Variants in KCNQ1OT1 observed in about 807,000 individuals in gnomAD.
KCNQ1OT1 encodes KCNQ1 antisense RNA 2 (non-protein coding).
exon 1 of KCNQ1OT1, chr11:2,697,209 G>A (rs1004143641): frequency 2.5e-6 from 1 of 398,532 alleles, no homozygotes; most frequent in Admixed American, 4.4e-5. Context: ...TTCTAAGATG[G>A]TAACTATCAA....
Position 2,627,581 on chromosome 11 carries a change from T to G in KCNQ1OT1, n.72414A>C. 2.5e-6 allele frequency: 1 copy of G among 398,574 alleles called. No homozygotes were observed. Among genetic ancestry groups the G allele is most frequent in the Non-Finnish European group, 4.4e-6 (1 of 226,058 alleles). The allele number at this position is 398,574 out of a possible 1,614,324, so 24.7% of individuals were successfully genotyped here. ...TCTTTCTGTGTCTGGCTATTTCACTTAGCATAATATCCTCCAGGTTCATCT... is the reference window on the plus strand; with the variant it reads ...TCTTTCTGTGTCTGGCTATTTCACTGAGCATAATATCCTCCAGGTTCATCT... On this transcript the variant is annotated non_coding_transcript_exon_variant, in exon 1 of 1. Coordinates refer to ENST00000597346, the Ensembl canonical transcript of KCNQ1OT1. The surrounding 1 kb of genome is among the most constrained non-coding windows in gnomAD (Gnocchi z 4.9).
chr11:2,631,233 T>C (rs1255115850), exon 1 of KCNQ1OT1: 1 of 398,434 alleles, frequency 2.5e-6, no homozygotes, highest in Non-Finnish European at 4.4e-6. Context: ...TTAACTCTCC[T>C]GATGGTGTCC....
At chr11:2,615,038 G>A (rs1031044434) in exon 1 of KCNQ1OT1, 16 of 398,176 alleles carry the variant, frequency 4.0e-5, no homozygotes, top group Non-Finnish European at 6.2e-5. Flanking sequence ...AGGATGTATA[G>A]TTCTATTTAT....
In KCNQ1OT1 at chr11:2,612,633, C is replaced by G. The variant is rs1848999674; in HGVS notation, n.87362G>C. 2.5e-6 allele frequency: 1 copy of G among 398,344 alleles called. No individual in the cohort carries two copies. Among genetic ancestry groups the G allele is most frequent in the South Asian group, 1.3e-4 (1 of 7,844 alleles). The allele number at this position is 398,344 out of a possible 1,614,324, so 24.7% of individuals were successfully genotyped here. A position where few individuals can be genotyped will look rare whatever the true frequency, so the allele number is the denominator to read the frequency against. On this transcript the variant is annotated non_coding_transcript_exon_variant, in exon 1 of 1. Coordinates refer to ENST00000597346, the Ensembl canonical transcript of KCNQ1OT1. This position sits in a 1 kb window ranked among gnomAD's most constrained non-coding sequence, Gnocchi z 5.5. The stretch of plus-strand genomic sequence containing the variant: ...TATTGATATTATCTATTTGATGAGT[C>G]TTTGTCATCACACTTGCATTCTTTA...
chr11:2,649,675 C>T, exon 1 of KCNQ1OT1: 1 of 398,582 alleles, frequency 2.5e-6, no homozygotes, highest in East Asian at 3.6e-5. Flanking sequence ...ATCTGTTAAT[C>T]TGCTGTTGAT....
rs755308841 is a variant in KCNQ1OT1 at position 2,669,404 on chromosome 11, G to A, written n.30591C>T. The A allele has an allele frequency of 7.5e-6, 3 of 398,652 alleles. No individual in the cohort carries two copies. The highest frequency in any genetic ancestry group is 1.3e-5 in the Non-Finnish European group (3 of 226,078). 24.7% of individuals were successfully genotyped at this position (398,652 alleles called of 1,614,324 possible). On this transcript the variant is annotated non_coding_transcript_exon_variant, in exon 1 of 1. Coordinates refer to ENST00000597346, the Ensembl canonical transcript of KCNQ1OT1. The surrounding 1 kb of genome is among the most constrained non-coding windows in gnomAD (Gnocchi z 5.6). ...TGGGGCTCCTGAAACATGGCATCAT[G>A]TGTCCCTTGTTTATTTAGGTTGACT...
Position 2,699,440 on chromosome 11 carries a change from ACCGCACTGAGGAGCCGCCGGGAGAGTG to A in KCNQ1OT1, n.528_554del, listed in dbSNP as rs1336528175. ...GCCGCGCTGAGGAGAGTCTGGGAGA[ACCGCACTGAGGAGCCGCCGGGAGAGTG>A]CCGCGCTGAGGAGCCCCCGGGGAGA... is the stretch of plus-strand genomic sequence containing the variant. On this transcript the variant is annotated non_coding_transcript_exon_variant, in exon 1 of 1. Coordinates refer to ENST00000597346, the Ensembl canonical transcript of KCNQ1OT1. 27 of 398,790 alleles carry A rather than the reference ACCGCACTGAGGAGCCGCCGGGAGAGTG, an allele frequency of 6.8e-5. No individual in the cohort carries two copies. The Middle Eastern group carries it at 1.9e-3, about 28-fold the overall frequency. 24.7% of individuals were successfully genotyped at this position (398,790 alleles called of 1,614,324 possible). A position where few individuals can be genotyped will look rare whatever the true frequency, so the allele number is the denominator to read the frequency against.
At position 2,668,270 on chromosome 11, in the gene KCNQ1OT1, T is replaced by C; in HGVS notation, n.31725A>G. ...GGTGTAGGTTGCTGTTTAAGAATAT[T>C]CTGTACATGCTTTTGGTGAGCATCA... On this transcript the variant is annotated non_coding_transcript_exon_variant, in exon 1 of 1. Transcript: ENST00000597346. This position sits in a 1 kb window ranked among gnomAD's most constrained non-coding sequence, Gnocchi z 4.3. 2.5e-6 allele frequency: 1 copy of C among 398,664 alleles called. No individual in the cohort carries two copies. The highest frequency in any genetic ancestry group is 3.6e-5 in the East Asian group (1 of 28,080). The allele number at this position is 398,664 out of a possible 1,614,324, so 24.7% of individuals were successfully genotyped here. A position where few individuals can be genotyped will look rare whatever the true frequency, so the allele number is the denominator to read the frequency against.
chr11:2,667,017 C>A (rs771085467), exon 1 of KCNQ1OT1: 5 of 398,592 alleles, frequency 1.3e-5, no homozygotes, highest in African/African-American at 1.0e-4. Context: ...ATAGGATCCC[C>A]GTCAGAGCCC....
At chr11:2,699,080 C>G (rs552964202) in exon 1 of KCNQ1OT1, 3 of 398,636 alleles carry the variant, frequency 7.5e-6, no homozygotes, top group African/African-American at 6.2e-5. Flanking sequence ...AACATGGATT[C>G]CCAACTTCCA....
rs367983973 is a variant in KCNQ1OT1 at position 2,626,494 on chromosome 11, C to T, written n.73501G>A. Reference sequence around the variant, plus strand: ...GGTCTCTACATCTTTATGTCAATACCACATAGTTTTGATTACTGTAGCTTC... The same window carrying T: ...GGTCTCTACATCTTTATGTCAATACTACATAGTTTTGATTACTGTAGCTTC... On this transcript the variant is annotated non_coding_transcript_exon_variant, in exon 1 of 1. Transcript: ENST00000597346. This position sits in a 1 kb window ranked among gnomAD's most constrained non-coding sequence, Gnocchi z 4.0. 31 of 398,468 alleles carry T rather than the reference C, an allele frequency of 7.8e-5. No homozygotes were observed. Among genetic ancestry groups the T allele is most frequent in the South Asian group, 7.6e-4 (6 of 7,848 alleles). 24.7% of individuals were successfully genotyped at this position (398,468 alleles called of 1,614,324 possible). A position where few individuals can be genotyped will look rare whatever the true frequency, so the allele number is the denominator to read the frequency against.
exon 1 of KCNQ1OT1, chr11:2,680,594 G>C (rs546676046): frequency 3.0e-5 from 12 of 398,300 alleles, no homozygotes; most frequent in African/African-American, 2.5e-4. Context: ...AGTCTCCCCC[G>C]ATAGTAACAT....
rs1382413457 is a variant in KCNQ1OT1 at position 2,634,147 on chromosome 11, T to TA, written n.65847_65848insT. 10 of 397,892 alleles carry TA rather than the reference T, an allele frequency of 2.5e-5. No individual in the cohort carries two copies. In the Admixed American group the frequency reaches 3.5e-4, roughly 14 times the overall value. The allele number at this position is 397,892 out of a possible 1,614,324, so 24.6% of individuals were successfully genotyped here. On this transcript the variant is annotated non_coding_transcript_exon_variant, in exon 1 of 1. Coordinates refer to ENST00000597346, the Ensembl canonical transcript of KCNQ1OT1. ...GATTGTCTTTGGTATTTTTTTTTTT[T>TA]TAGATTTCTCTTTTCTCTCTCTCTC... is the stretch of plus-strand genomic sequence containing the variant.
In KCNQ1OT1 at chr11:2,673,254, A is replaced by T. The variant is rs940976036; in HGVS notation, n.26741T>A. 2.6e-4 allele frequency: 103 copies of T among 398,684 alleles called. 1 individual carries two copies. The highest frequency in any genetic ancestry group is 1.3e-3 in the East Asian group (36 of 28,076). The allele number at this position is 398,684 out of a possible 1,614,324, so 24.7% of individuals were successfully genotyped here. A position where few individuals can be genotyped will look rare whatever the true frequency, so the allele number is the denominator to read the frequency against. On this transcript the variant is annotated non_coding_transcript_exon_variant, in exon 1 of 1. Transcript: ENST00000597346. The surrounding 1 kb of genome is among the most constrained non-coding windows in gnomAD (Gnocchi z 4.5). ...AGATTCTGGGGACTGGGTGATGCAG[A>T]CTGCAAAGCCTCAGCCACCTTCTCC...
exon 1 of KCNQ1OT1, chr11:2,638,509 C>A (rs1258664906): frequency 2.6e-5 from 4 of 152,218 alleles, no homozygotes; most frequent in African/African-American, 4.8e-5. Flanking sequence ...GGCCCCCACT[C>A]TCTTCTGGCT....
chr11:2,698,824 C>T lies in KCNQ1OT1; in HGVS notation n.1171G>A, dbSNP rs1431273833. 3.0e-5 allele frequency: 12 copies of T among 398,700 alleles called. No individual in the cohort carries two copies. Among genetic ancestry groups the T allele is most frequent in the African/African-American group, 2.1e-4 (10 of 48,612 alleles). The allele number at this position is 398,700 out of a possible 1,614,324, so 24.7% of individuals were successfully genotyped here. ...TCCCGATCCTCTGTCCCTAATGAGG[C>T]CCTACCTAAAACCACCATGCGGACT... On this transcript the variant is annotated non_coding_transcript_exon_variant, in exon 1 of 1. Coordinates refer to ENST00000597346, the Ensembl canonical transcript of KCNQ1OT1. The surrounding 1 kb of genome is among the most constrained non-coding windows in gnomAD (Gnocchi z 5.1).
chr11:2,610,644 G>A (rs1235744327), exon 1 of KCNQ1OT1: 1 of 304,850 alleles, frequency 3.3e-6, no homozygotes, highest in Non-Finnish European at 5.8e-6. Flanking sequence ...TTCTGTTTTT[G>A]TTTATCTGGG....
chr11:2,662,144 T>C, exon 1 of KCNQ1OT1: 1 of 1,608,682 alleles, frequency 6.2e-7, no homozygotes, highest in East Asian at 2.2e-5. Context: ...GGAGTCAGAC[T>C]TGGTGCTGGG....
At chr11:2,643,127 A>G in exon 1 of KCNQ1OT1, 1 of 398,252 alleles carries the variant, frequency 2.5e-6, no homozygotes, top group Non-Finnish European at 4.4e-6. Context: ...AGAAGAGTGT[A>G]TATTCTGCAG....
Sources: allele counts gnomAD v4.1 joint callset, GRCh38; gene constraint gnomAD v4.1.1; non-coding constraint Gnocchi (gnomAD v3.1); transcripts MANE v1.5; gene names NCBI Gene and HGNC (gene_info 2026-07-23, HGNC 2026-07-21).